Variants in SCGN observed in about 807,000 individuals in gnomAD.
SCGN encodes the protein secretagogin, EF-hand calcium binding protein, also known as secretagogin.
A neutral mutation model predicts 39.7 loss-of-function variants in SCGN; 30 were observed. That is an observed-to-expected ratio of 0.76 (90% CI 0.57 to 1.03). The LOEUF (loss-of-function observed/expected upper bound fraction) is 1.03. Among genes scored for constraint, SCGN ranks in the 50% least tolerant of loss-of-function variants. SCGN has a pLI of 0.00. For missense variants in SCGN, 353 were observed against 349.4 expected, an observed-to-expected ratio of 1.01 and a Z score of -0.08; for synonymous variants, 106 against 114.1, an observed-to-expected ratio of 0.93 and a Z score of 0.45.
Position 25,664,943 on chromosome 6 carries a change from C to A in SCGN, c.247C>A (p.Leu83Ile). 6.2e-7 allele frequency: 1 copy of A among 1,612,604 alleles called. No individual in the cohort carries two copies. Among genetic ancestry groups the A allele is most frequent in the Non-Finnish European group, 8.5e-7 (1 of 1,178,760 alleles). The change falls in exon 4 of 11, where the codon CTT becomes ATT. Residue 83 changes from leucine to isoleucine, a missense_variant and splice_region_variant. Transcript: ENST00000377961. ...ACTGTTATTCTTTCTGTTCCTTCAG[C>A]TTGCTGGTATGTTCTTATCTGAGGA... ...SKDGRIRMKELAGMFLSEDEN... is the reference protein window; with the variant it reads ...SKDGRIRMKEIAGMFLSEDEN...
Position 25,701,632 on chromosome 6 carries a change from G to C in SCGN, c.*297G>C, listed in dbSNP as rs974155955. 8.0e-6 allele frequency: 2 copies of C among 251,248 alleles called. No individual in the cohort carries two copies. The highest frequency in any genetic ancestry group is 7.5e-6 in the Non-Finnish European group (1 of 133,278). 15.6% of individuals were successfully genotyped at this position (251,248 alleles called of 1,614,324 possible). A position where few individuals can be genotyped will look rare whatever the true frequency, so the allele number is the denominator to read the frequency against. On this transcript the variant is annotated 3_prime_UTR_variant, in exon 11 of 11. Transcript: ENST00000377961. ...TGTCCTTCCCCAGTCACCAGGGTGGGGGGGACAGGGGCAGCTGAGTGCATT... is the reference window on the plus strand; with the variant it reads ...TGTCCTTCCCCAGTCACCAGGGTGGCGGGGACAGGGGCAGCTGAGTGCATT...
chr6:25,679,906 T>A (rs997915155), intron 6 of SCGN, among the ~76,000 whole-genome samples: 1 of 152,216 alleles, frequency 6.6e-6, no homozygotes, highest in Non-Finnish European at 1.5e-5. Context: ...ACCAAATTCA[T>A]GATGAGATAT....
rs1582580234 is a variant in SCGN, at chr6:25,674,991, C to T, written c.471+4915C>T. Among the ~76,000 whole-genome samples, 3 of 151,906 alleles carry T rather than the reference C, an allele frequency of 2.0e-5. No homozygotes were observed. The South Asian group carries it at 6.3e-4, about 32-fold the overall frequency. ...GGAAACTTGAACTTTTATAAAACAACAAATTTAAATCTGAGACTATGGTGA... is the reference window on the plus strand; with the variant it reads ...GGAAACTTGAACTTTTATAAAACAATAAATTTAAATCTGAGACTATGGTGA... On this transcript the variant is annotated intron_variant, in intron 6 of 10. Transcript: ENST00000377961.
intron 1 of SCGN, 59 bp from the exon 2 acceptor site, chr6:25,653,323 A>AAT: frequency 8.7e-7 from 1 of 1,145,074 alleles, no homozygotes; most frequent in South Asian, 1.4e-5. Context: ...TATTTAGATA[A>AAT]ATACTGTCAT....
chr6:25,664,421 G>A (rs1038054032), intron 3 of SCGN, among the ~76,000 whole-genome samples: 2 of 152,192 alleles, frequency 1.3e-5, no homozygotes, highest in Non-Finnish European at 2.9e-5. Context: ...ACTTTGGCAA[G>A]TTCCTTATCT....
intron 2 of SCGN, among the ~76,000 whole-genome samples, chr6:25,655,665 AT>A (rs75709648): frequency 3.3e-5 from 5 of 151,652 alleles, no homozygotes; most frequent in African/African-American, 1.2e-4. Context: ...TGAGAATTAT[AT>A]TTTTTTGTTA....
Position 25,661,593 on chromosome 6 carries a change from G to C in SCGN, c.195G>C (p.Gln65His), listed in dbSNP as rs1215004657. Residue 65 changes from glutamine (Q) to histidine (H), a missense_variant, in exon 3 of 11, where the codon CAG becomes CAC. Gln to His is a conservative substitution (Grantham distance 24). Coordinates refer to ENST00000377961, the MANE Select transcript of SCGN (RefSeq NM_006998.4). ...CAAATTTGCACAAGGTGAAACAGCA[G>C]TTTATGACTACCCAAGATGCCTCTA... The part of the protein sequence containing the change: ...MKANLHKVKQ[Q>H]FMTTQDASKD... 1 of 1,613,746 alleles carries C rather than the reference G, an allele frequency of 6.2e-7. No homozygotes were observed. The highest frequency in any genetic ancestry group is 1.1e-5 in the South Asian group (1 of 91,030).
chr6:25,678,473 C>G (rs565173765), intron 6 of SCGN, among the ~76,000 whole-genome samples: 1 of 152,094 alleles, frequency 6.6e-6, no homozygotes, highest in Non-Finnish European at 1.5e-5. Flanking sequence ...AACAAAGATC[C>G]CTGCCCTCAT....
intron 7 of SCGN, among the ~76,000 whole-genome samples, chr6:25,682,404 G>A (rs1453910387): frequency 6.7e-6 from 1 of 149,504 alleles, no homozygotes; most frequent in Non-Finnish European, 1.5e-5. Context: ...GGTGCACTCT[G>A]TGTTCTTGAA....
chr6:25,682,082 T>G, intron 7 of SCGN, 76 bp downstream of exon 7: 1 of 1,136,172 alleles, frequency 8.8e-7, no homozygotes. Context: ...TATTTCCTTT[T>G]GAGACTGGAG....
chr6:25,686,641 G>T (rs751055544), intron 7 of SCGN, among the ~76,000 whole-genome samples: 1 of 152,054 alleles, frequency 6.6e-6, no homozygotes, highest in African/African-American at 2.4e-5. Flanking sequence ...TTTCCATTAT[G>T]AGAGTCGTGT....
intron 7 of SCGN, among the ~76,000 whole-genome samples, chr6:25,688,752 A>T (rs1321441172): frequency 6.9e-6 from 1 of 145,526 alleles, no homozygotes; most frequent in Non-Finnish European, 1.5e-5. Flanking sequence ...CAGAGAGGCG[A>T]GATCGCACCA....
At chr6:25,694,047 T>C (rs1759808581) in intron 10 of SCGN, among the ~76,000 whole-genome samples, 1 of 152,196 alleles carries the variant, frequency 6.6e-6, no homozygotes, top group Non-Finnish European at 1.5e-5. Context: ...TAATAAATTA[T>C]TACTAAAAAC....
chr6:25,694,574 A>G (rs57053773), intron 10 of SCGN, among the ~76,000 whole-genome samples: 15,607 of 152,294 alleles, frequency 0.1, 898 homozygotes, highest in Middle Eastern at 0.16. Context: ...GCTAGTTCCT[A>G]GAGACCAAGT....
Sources: gnomAD v4.1 joint callset for allele counts (sites outside exome capture counted in the v4.1 genomes callset) on GRCh38, gnomAD v4.1.1 for gene constraint, MANE v1.5 for transcripts, NCBI Gene and HGNC (gene_info 2026-07-23, HGNC 2026-07-21) for gene names.